Variants in TMEM131 observed in about 807,000 individuals in gnomAD.
TMEM131 encodes the protein 2610524E03Rik.
A neutral mutation model predicts 211.6 loss-of-function variants in TMEM131; 66 were observed. The ratio of observed to expected loss-of-function variants is 0.31; its 90% CI spans 0.26 to 0.38. The LOEUF is 0.38. TMEM131 is among the 10% of genes least tolerant of loss of function. The pLI is 1.00. For synonymous variants in TMEM131, 844 were observed against 841.3 expected, an observed-to-expected ratio of 1.00 and a Z score of -0.06; for missense variants, 2,036 against 2,299.3, an observed-to-expected ratio of 0.89 and a Z score of 2.34.
At chr2:97,976,617 C>T (rs774157157) in intron 1 of TMEM131, among the ~76,000 whole-genome samples, 25 of 152,154 alleles carry the variant, frequency 1.6e-4, no homozygotes, top group Non-Finnish European at 8.8e-5. Context: ...CAGTCCCAAT[C>T]AATACCCAAG....
chr2:97,967,893 G>GT (rs376573578), intron 1 of TMEM131, among the ~76,000 whole-genome samples: 2,301 of 142,656 alleles, frequency 0.016, 47 homozygotes, highest in African/African-American at 0.049. Flanking sequence ...TTTTTAGGTT[G>GT]TTTTTTTTTT....
At chr2:97,959,264 C>T (rs187064026) in intron 1 of TMEM131, among the ~76,000 whole-genome samples, 15 of 152,214 alleles carry the variant, frequency 9.9e-5, no homozygotes, top group Admixed American at 2.6e-4. Context: ...AAGGAGCTGA[C>T]GCTGGAGGGT....
At position 97,805,348 on chromosome 2, in the gene TMEM131, C is replaced by T. The variant is rs546646216; in HGVS notation, c.2284+28G>A. 23 of 1,607,814 alleles carry T rather than the reference C, an allele frequency of 1.4e-5. No homozygotes were observed. In the East Asian group the frequency reaches 5.1e-4, roughly 36 times the overall value. ...AAGAGTATTTTGGGGGAAGTGAAGACATGAGAGAGAACAGCAAGGTCACTT... is the reference window on the plus strand; with the variant it reads ...AAGAGTATTTTGGGGGAAGTGAAGATATGAGAGAGAACAGCAAGGTCACTT... On this transcript the variant is annotated intron_variant, in intron 21 of 40. Transcript: ENST00000186436.
intron 3 of TMEM131, among the ~76,000 whole-genome samples, chr2:97,904,993 T>C (rs1676009089): frequency 6.6e-6 from 1 of 152,218 alleles, no homozygotes; most frequent in Non-Finnish European, 1.5e-5. Flanking sequence ...TTTTTGTTTT[T>C]AAAATGTTAG....
chr2:97,890,734 T>C (rs1375009859), intron 3 of TMEM131, among the ~76,000 whole-genome samples: 1 of 152,238 alleles, frequency 6.6e-6, no homozygotes, highest in East Asian at 1.9e-4. Flanking sequence ...ATGAGCACTA[T>C]CTTGGATGAT....
chr2:97,878,964 G>T (rs1017251292), intron 4 of TMEM131, among the ~76,000 whole-genome samples: 1 of 152,152 alleles, frequency 6.6e-6, no homozygotes, highest in Non-Finnish European at 1.5e-5. Flanking sequence ...TCTTCATTCG[G>T]TGAGTACAAT....
At position 97,943,037 on chromosome 2, in the gene TMEM131, A is replaced by AAAAGAAAGAAAGAAAGAAAGAAAG. The variant is rs71394401; in HGVS notation, c.188-15574_188-15551dup. Among the ~76,000 whole-genome samples, 122 of 66,036 alleles carry AAAAGAAAGAAAGAAAGAAAGAAAG rather than the reference A, an allele frequency of 1.8e-3. 3 individuals are homozygous for AAAAGAAAGAAAGAAAGAAAGAAAG. The highest frequency in any genetic ancestry group is 7.4e-3 in the East Asian group (20 of 2,708). The allele number at this position is 66,036 out of a possible 152,430, so 43.3% of individuals were successfully genotyped here. On this transcript the variant is annotated intron_variant, in intron 1 of 40. Coordinates refer to ENST00000186436, the MANE Select transcript of TMEM131 (RefSeq NM_015348.2). Reference sequence around the variant, plus strand: ...AAAAGAAAAGAAAAGAAAAGAAAAGAAAAGAAAGAAAGAAAGAAAGAAAGA... The same window carrying AAAAGAAAGAAAGAAAGAAAGAAAG: ...AAAAGAAAAGAAAAGAAAAGAAAAGAAAAGAAAGAAAGAAAGAAAGAAAGAAAGAAAGAAAGAAAGAAAGAAAGA...
chr2:97,924,446 T>C (rs956329760), intron 2 of TMEM131, among the ~76,000 whole-genome samples: 2 of 152,296 alleles, frequency 1.3e-5, no homozygotes, highest in African/African-American at 4.8e-5. Flanking sequence ...ATGTGCTCTC[T>C]GGACCTCCAA....
At chr2:97,956,885 G>A (rs1402094609) in intron 1 of TMEM131, among the ~76,000 whole-genome samples, 2 of 152,046 alleles carry the variant, frequency 1.3e-5, no homozygotes, top group Admixed American at 6.6e-5. Context: ...ATCACCTGAG[G>A]TCAGGAGTTT....
chr2:97,893,774 G>T (rs1460104517), intron 3 of TMEM131, among the ~76,000 whole-genome samples: 1 of 151,972 alleles, frequency 6.6e-6, no homozygotes, highest in Non-Finnish European at 1.5e-5. Flanking sequence ...GTAGATTCTG[G>T]ATATTAGCTC....
At chr2:97,976,558 T>C (rs943786511) in intron 1 of TMEM131, among the ~76,000 whole-genome samples, 1 of 152,182 alleles carries the variant, frequency 6.6e-6, no homozygotes, top group Non-Finnish European at 1.5e-5. Flanking sequence ...GAAAACTAAA[T>C]ACTGTTAAGA....
At chr2:97,972,981 G>C (rs1224941759) in intron 1 of TMEM131, among the ~76,000 whole-genome samples, 2 of 152,172 alleles carry the variant, frequency 1.3e-5, no homozygotes, top group African/African-American at 2.4e-5. Context: ...TGTGGGTATA[G>C]AGTAGGGGCC....
intron 1 of TMEM131, among the ~76,000 whole-genome samples, chr2:97,973,444 G>C (rs1679394617): frequency 6.6e-6 from 1 of 152,174 alleles, no homozygotes; most frequent in African/African-American, 2.4e-5. Context: ...TGCAGGGAGG[G>C]GAAACAGTGG....
intron 4 of TMEM131, among the ~76,000 whole-genome samples, chr2:97,887,188 C>T (rs992956805): frequency 3.9e-5 from 6 of 152,310 alleles, no homozygotes; most frequent in South Asian, 2.1e-4. Flanking sequence ...TCAGCTGGCC[C>T]GAGGATGTGT....
chr2:97,830,143 A>C (rs1038310239), intron 11 of TMEM131, among the ~76,000 whole-genome samples: 2 of 150,170 alleles, frequency 1.3e-5, no homozygotes, highest in African/African-American at 4.9e-5. Flanking sequence ...AAAAAAAAAA[A>C]AAAAAAAAAA....
At chr2:97,966,014 A>C (rs1385533358) in intron 1 of TMEM131, among the ~76,000 whole-genome samples, 1 of 152,164 alleles carries the variant, frequency 6.6e-6, no homozygotes, top group African/African-American at 2.4e-5. Context: ...AAACAAAAAA[A>C]TTGAACAAAA....
intron 35 of TMEM131, chr2:97,762,663 C>G (rs1487274840): frequency 6.2e-6 from 1 of 160,836 alleles, no homozygotes; most frequent in African/African-American, 2.4e-5. Flanking sequence ...CTATTAAGCT[C>G]CTAGTATATT....
chr2:97,809,307 A>G (rs1681445117), intron 19 of TMEM131, among the ~76,000 whole-genome samples: 2 of 152,072 alleles, frequency 1.3e-5, no homozygotes, highest in Admixed American at 6.5e-5. Context: ...ATCCCTGTTG[A>G]GCTTGCGCCC....
At chr2:97,942,989 G>GAAAGA (rs1277171203) in intron 1 of TMEM131, among the ~76,000 whole-genome samples, 1 of 32,588 alleles carries the variant, frequency 3.1e-5, no homozygotes, top group East Asian at 3.3e-4. Context: ...AGAAAGAAAA[G>GAAAGA]AAAGAAAAGA....
Sources: allele counts gnomAD v4.1 joint callset (sites outside exome capture counted in the v4.1 genomes callset), GRCh38; gene constraint gnomAD v4.1.1; transcripts MANE v1.5; gene names NCBI Gene and HGNC (gene_info 2026-07-23, HGNC 2026-07-21).